Variants in CBL observed in about 807,000 individuals in gnomAD.
The protein encoded by CBL is Cbl proto-oncogene.
A neutral mutation model predicts 96.9 loss-of-function variants in CBL; 45 were observed. That is an observed-to-expected ratio of 0.46 (90% CI 0.37 to 0.60). The LOEUF is 0.60. Ranked by LOEUF, CBL falls within the 20% of genes least tolerant of loss-of-function variation. The pLI, the probability that CBL is intolerant of heterozygous loss-of-function variation, is 0.00. For missense variants in CBL, 1,024 were observed against 1,143.5 expected (o/e 0.90, Z 1.51); for synonymous variants, 420 against 426.8 (o/e 0.98, Z 0.20).
At chr11:119,259,478 C>T (rs551451687) in intron 2 of CBL, among the ~76,000 whole-genome samples, 1 of 152,100 alleles carries the variant, frequency 6.6e-6, no homozygotes, top group South Asian at 2.1e-4. Flanking sequence ...AGCCACTATG[C>T]AAAAGTAAAC....
rs376094293 is a variant in CBL, at chr11:119,285,472, A to T, written c.1847A>T (p.Asn616Ile). 1 of 1,613,946 alleles carries T rather than the reference A, an allele frequency of 6.2e-7. No homozygotes were observed. The highest frequency in any genetic ancestry group is 1.3e-5 in the African/African-American group (1 of 74,894). The change falls in exon 11 of 16, where the codon AAC becomes ATC. Residue 616 changes from asparagine to isoleucine, a missense_variant. Transcript: ENST00000264033. ...CCCTGGACAGGAAGAGAATTAACCA[A>T]CCGGCACTCACTTCCATTTTCATTG... ...SDPWTGRELT[N>I]RHSLPFSLPS...
chr11:119,234,047 C>T (rs1407594659), intron 2 of CBL, among the ~76,000 whole-genome samples: 2 of 152,132 alleles, frequency 1.3e-5, no homozygotes, highest in Non-Finnish European at 2.9e-5. Context: ...GCTGTTGTCA[C>T]CCAGGCTGGA....
intron 2 of CBL, among the ~76,000 whole-genome samples, chr11:119,266,032 AAAAGAAAG>A (rs1174381765): frequency 6.7e-6 from 1 of 148,860 alleles, no homozygotes; most frequent in Non-Finnish European, 1.5e-5. Flanking sequence ...AAAAAAAAAA[AAAAGAAAG>A]AAAGAAAGAA....
At chr11:119,223,425 ATTATG>A (rs1444609654) in intron 1 of CBL, among the ~76,000 whole-genome samples, 3 of 148,226 alleles carry the variant, frequency 2.0e-5, no homozygotes, top group Non-Finnish European at 3.0e-5. Context: ...ATGTTATGTT[ATTATG>A]TTATGTTATT....
intron 2 of CBL, among the ~76,000 whole-genome samples, chr11:119,235,373 T>C (rs1405331622): frequency 6.6e-6 from 1 of 152,140 alleles, no homozygotes; most frequent in Non-Finnish European, 1.5e-5. Context: ...CCTTGGCCTC[T>C]ATTTTATATG....
At chr11:119,298,337 A>G (rs1341088538) in intron 14 of CBL, 21 bp from the exon 15 acceptor site, 3 of 1,610,636 alleles carry the variant, frequency 1.9e-6, no homozygotes. Flanking sequence ...GAAGAAGATA[A>G]CATCACTCAT....
At position 119,274,236 on chromosome 11, in the gene CBL, A is replaced by G. The variant is rs541545281; in HGVS notation, c.747+212A>G. ...TGTATATATAGTGAAAATGACAGCT[A>G]TACCAACTGCTTTCTTCTCCTCACA... On this transcript the variant is annotated intron_variant, in intron 4 of 15. Transcript: ENST00000264033. Among the ~76,000 whole-genome samples, 56 of 152,318 alleles carry G rather than the reference A, an allele frequency of 3.7e-4. 1 individual carries two copies. The highest frequency in any genetic ancestry group is 6.8e-3 in the Middle Eastern group (2 of 294).
At chr11:119,278,418 T>G (rs1949906786) in intron 8 of CBL, 92 bp from the exon 9 acceptor site, 1 of 1,545,406 alleles carries the variant, frequency 6.5e-7, no homozygotes, top group African/African-American at 1.4e-5. Context: ...AACTTTTACT[T>G]TTTTTTGATC....
chr11:119,274,050 A>T lies in CBL; in HGVS notation c.747+26A>T, dbSNP rs755046202. The stretch of plus-strand genomic sequence containing the variant: ...GTAGGACACTAAAAAAGTTGACTAA[A>T]CTGGTTACTGCTACTTCGGTGAAGA... On this transcript the variant is annotated intron_variant, in intron 4 of 15. Coordinates refer to ENST00000264033, the MANE Select transcript of CBL (RefSeq NM_005188.4). 5 of 1,583,760 alleles carry T rather than the reference A, an allele frequency of 3.2e-6. No homozygotes were observed. The South Asian group carries it at 4.4e-5, about 14-fold the overall frequency.
intron 1 of CBL, among the ~76,000 whole-genome samples, chr11:119,215,627 C>T (rs1050487159): frequency 3.3e-5 from 5 of 150,390 alleles, no homozygotes; most frequent in East Asian, 2.0e-4. Flanking sequence ...GCGGAGATCA[C>T]GCCATTGCAC....
intron 7 of CBL, 34 bp from the exon 8 acceptor site, chr11:119,278,132 C>A: frequency 1.4e-6 from 2 of 1,480,932 alleles, no homozygotes; most frequent in South Asian, 2.3e-5. Context: ...GTTATTTATT[C>A]AACTAATAGT....
chr11:119,287,947 G>A lies in CBL; in HGVS notation c.2036+1G>A. On this transcript the variant is annotated splice_donor_variant, in intron 12 of 15. Transcript: ENST00000264033. LOFTEE classifies it high-confidence loss of function. ...ATGCCATTTATTCTCTGGCTGCCAG[G>A]TAAGTCTGCTAAAGCTATATTTTGT... 1.2e-6 allele frequency: 2 copies of A among 1,605,602 alleles called. 1 individual carries two copies. Among genetic ancestry groups the A allele is most frequent in the Non-Finnish European group, 1.7e-6 (2 of 1,172,270 alleles).
At chr11:119,238,304 G>A (rs1416005984) in intron 2 of CBL, among the ~76,000 whole-genome samples, 2 of 151,358 alleles carry the variant, frequency 1.3e-5, no homozygotes, top group Non-Finnish European at 2.9e-5. Context: ...CTGCCTCCCG[G>A]GTTCAAGCGA....
intron 2 of CBL, among the ~76,000 whole-genome samples, chr11:119,258,346 G>T (rs1413480299): frequency 6.6e-6 from 1 of 152,110 alleles, no homozygotes; most frequent in Non-Finnish European, 1.5e-5. Context: ...CTGCTTCTGG[G>T]GACGCCTCAG....
intron 2 of CBL, among the ~76,000 whole-genome samples, chr11:119,248,198 A>C (rs1592385145): frequency 6.6e-6 from 1 of 152,240 alleles, no homozygotes; most frequent in South Asian, 2.1e-4. Context: ...AAGTTGGAAG[A>C]CTTGTATTTC....
chr11:119,242,689 C>G (rs139239610), intron 2 of CBL, among the ~76,000 whole-genome samples: 93 of 145,952 alleles, frequency 6.4e-4, no homozygotes, highest in African/African-American at 2.3e-3. Flanking sequence ...TGGGGAGGAT[C>G]ACTTGAGCCG....
At chr11:119,246,154 T>C (rs1949629520) in intron 2 of CBL, among the ~76,000 whole-genome samples, 1 of 151,696 alleles carries the variant, frequency 6.6e-6, no homozygotes, top group Non-Finnish European at 1.5e-5. Context: ...TTTGTACTTG[T>C]AGTAGAGACA....
intron 11 of CBL, among the ~76,000 whole-genome samples, 160 bp from the exon 12 acceptor site, chr11:119,287,692 C>A (rs1446781533): frequency 1.3e-5 from 2 of 152,180 alleles, no homozygotes; most frequent in Non-Finnish European, 2.9e-5. Flanking sequence ...TTCTTCGGAG[C>A]CTTAAGGCCC....
chr11:119,223,960 GA>G (rs1390985877), intron 1 of CBL, among the ~76,000 whole-genome samples: 2 of 151,836 alleles, frequency 1.3e-5, no homozygotes, highest in Non-Finnish European at 2.9e-5. Flanking sequence ...AAAAGATGAA[GA>G]AAAAAGAGTA....
Sources: allele counts gnomAD v4.1 joint callset (sites outside exome capture counted in the v4.1 genomes callset), GRCh38; gene constraint gnomAD v4.1.1; transcripts MANE v1.5; gene names NCBI Gene and HGNC (gene_info 2026-07-23, HGNC 2026-07-21).